The following NYAP2 variants were observed in gnomAD, a reference collection of about 807,000 sequenced individuals.
NYAP2 encodes neuronal tyrosine-phosphorylated phosphoinositide-3-kinase adapter 2.
NYAP2 carries 23 observed loss-of-function variants against 50.4 expected under a neutral mutation model. That is an observed-to-expected ratio of 0.46 (90% CI 0.33 to 0.65). The LOEUF is 0.65. Among genes scored for constraint, NYAP2 ranks in the 30% least tolerant of loss-of-function variants. The pLI is 0.02. For synonymous variants in NYAP2, 394 were observed against 365.2 expected (o/e 1.08, Z -0.90); for missense variants, 885 against 861.0 (o/e 1.03, Z -0.35).
At chr2:225,426,151 T>A (rs57121134) in intron 3 of NYAP2, among the ~76,000 whole-genome samples, 2,913 of 126,962 alleles carry the variant, frequency 0.023, 73 homozygotes, top group African/African-American at 0.071. Flanking sequence ...TTTTTTTTTT[T>A]AAAAATTCTA....
intron 3 of NYAP2, among the ~76,000 whole-genome samples, chr2:225,422,006 A>G (rs1284321411): frequency 3.3e-5 from 5 of 151,738 alleles, no homozygotes; most frequent in Admixed American, 6.6e-5. Flanking sequence ...CATTTAAATG[A>G]CTTTTTAGGA....
At chr2:225,402,068 C>T (rs1362640286) in intron 2 of NYAP2, among the ~76,000 whole-genome samples, 1 of 151,948 alleles carries the variant, frequency 6.6e-6, no homozygotes, top group Non-Finnish European at 1.5e-5. Context: ...ATGTGGTCCA[C>T]AAATGCAGAA....
chr2:225,481,337 T>C (rs1690203633), intron 3 of NYAP2, among the ~76,000 whole-genome samples: 1 of 152,170 alleles, frequency 6.6e-6, no homozygotes, highest in African/African-American at 2.4e-5. Context: ...CTATTAGTTA[T>C]TGTCAAAATC....
the NYAP2 span, chr2:225,699,183 C>T: frequency 6.6e-6 from 1 of 151,908 alleles, no homozygotes; most frequent in African/African-American, 2.4e-5. Context: ...AAGAATTTCT[C>T]TTTAGCATCC....
chr2:225,619,283 C>T (rs1015861703), intron 5 of NYAP2, among the ~76,000 whole-genome samples: 6 of 152,194 alleles, frequency 3.9e-5, no homozygotes, highest in Admixed American at 2.0e-4. Context: ...GTTTGTCTGG[C>T]TCTGAAGACC....
intron 4 of NYAP2, among the ~76,000 whole-genome samples, chr2:225,549,858 A>G (rs912013934): frequency 2.0e-5 from 3 of 151,932 alleles, no homozygotes; most frequent in Non-Finnish European, 2.9e-5. Context: ...GGTGGCGTGC[A>G]CCTGTAATCC....
chr2:225,581,876 GC>G lies in NYAP2; in HGVS notation c.524-64del. ...AAAGTTTATTGTAGTAAACCCACAT[GC>G]AAATCATTTTTGAAAACTTTCCTAT... is the stretch of plus-strand genomic sequence containing the variant. On this transcript the variant is annotated intron_variant, in intron 4 of 6. Transcript: ENST00000636099. 2.0e-6 allele frequency: 3 copies of G among 1,467,308 alleles called. No homozygotes were observed. The Admixed American group carries it at 6.3e-5, about 31-fold the overall frequency. 90.9% of individuals were successfully genotyped at this position (1,467,308 alleles called of 1,614,324 possible).
At chr2:225,461,021 T>G (rs1559186077) in intron 3 of NYAP2, among the ~76,000 whole-genome samples, 1 of 150,872 alleles carries the variant, frequency 6.6e-6, no homozygotes, top group Non-Finnish European at 1.5e-5. Flanking sequence ...AAAAAAAGAT[T>G]TGTTTTCCAA....
rs141670724 is a variant in NYAP2 at position 225,501,136 on chromosome 2, C to A, written c.222-12235C>A. On this transcript the variant is annotated intron_variant, in intron 3 of 6. Transcript: ENST00000636099. ...TTCTTTGAGTTGTTTGGCTCTTTCT[C>A]AAATCCAGGGCATGACTTTACAGTT... 2.2e-4 allele frequency among the ~76,000 whole-genome samples: 33 copies of A among 152,284 alleles called. No individual in the cohort carries two copies. In the East Asian group the frequency reaches 5.6e-3, roughly 26 times the overall value.
intron 4 of NYAP2, among the ~76,000 whole-genome samples, chr2:225,547,767 C>T (rs1691608895): frequency 6.6e-6 from 1 of 152,148 alleles, no homozygotes; most frequent in Non-Finnish European, 1.5e-5. Context: ...AAGTTAAAAC[C>T]AGGTGCTATC....
intron 4 of NYAP2, among the ~76,000 whole-genome samples, chr2:225,543,183 C>A (rs753611091): frequency 1.1e-4 from 17 of 151,718 alleles, no homozygotes; most frequent in Non-Finnish European, 1.9e-4. Context: ...AATTGACACA[C>A]CTTTATCTTT....
At chr2:225,413,187 A>G (rs374315308) in intron 3 of NYAP2, among the ~76,000 whole-genome samples, 1 of 152,178 alleles carries the variant, frequency 6.6e-6, no homozygotes, top group Non-Finnish European at 1.5e-5. Context: ...CTAGTTGTTG[A>G]GATTTCTCAA....
intron 6 of NYAP2, among the ~76,000 whole-genome samples, chr2:225,651,043 A>AT (rs1207689682): frequency 2.0e-5 from 3 of 152,258 alleles, no homozygotes; most frequent in African/African-American, 7.2e-5. Flanking sequence ...TGGAGAAGGG[A>AT]TAGAAGACAT....
At chr2:225,681,439 T>C in the NYAP2 span, among the ~76,000 whole-genome samples, 2 of 152,330 alleles carry the variant, frequency 1.3e-5, no homozygotes, top group African/African-American at 4.8e-5. Context: ...GAGTGATCAC[T>C]GATGTGTCTA....
intron 4 of NYAP2, among the ~76,000 whole-genome samples, chr2:225,517,230 TATAA>T (rs1238367392): frequency 1.3e-5 from 2 of 152,198 alleles, no homozygotes; most frequent in Non-Finnish European, 2.9e-5. Context: ...ATCAGTATAC[TATAA>T]ATATTTTAAT....
At chr2:225,513,315 C>A (rs1220339098) in intron 3 of NYAP2, 56 bp from the exon 4 acceptor site, 91 of 1,515,400 alleles carry the variant, frequency 6.0e-5, no homozygotes, top group Non-Finnish European at 8.1e-5. Flanking sequence ...CATGTATGAT[C>A]TTGTATATCC....
At chr2:225,636,147 G>GTAAGCCAAGCAC (rs1362858191) in intron 6 of NYAP2, among the ~76,000 whole-genome samples, 1 of 152,134 alleles carries the variant, frequency 6.6e-6, no homozygotes, top group African/African-American at 2.4e-5. Context: ...AATGTTATAA[G>GTAAGCCAAGCAC]TAAGCCAAGC....
chr2:225,486,185 G>T (rs1690295829), intron 3 of NYAP2, among the ~76,000 whole-genome samples: 1 of 152,138 alleles, frequency 6.6e-6, no homozygotes, highest in South Asian at 2.1e-4. Flanking sequence ...TATTATTTTA[G>T]AACAAGTGTG....
chr2:225,495,600 T>C (rs549222900), intron 3 of NYAP2, among the ~76,000 whole-genome samples: 9 of 152,282 alleles, frequency 5.9e-5, no homozygotes, highest in Admixed American at 2.0e-4. Context: ...GCACACTATC[T>C]AGGACAGACA....
Sources: allele counts gnomAD v4.1 joint callset (sites outside exome capture counted in the v4.1 genomes callset), GRCh38; gene constraint gnomAD v4.1.1; transcripts MANE v1.5; gene names NCBI Gene and HGNC (gene_info 2026-07-23, HGNC 2026-07-21).